Variants in EIF3E observed in about 807,000 individuals in gnomAD.
The protein encoded by EIF3E is eIF-3 p48.
In EIF3E, 25 loss-of-function variants were observed where a neutral mutation model predicts 59.3. The ratio of observed to expected loss-of-function variants is 0.42; its 90% confidence interval spans 0.31 to 0.59. The LOEUF (loss-of-function observed/expected upper bound fraction) is 0.59. Ranked by LOEUF, EIF3E falls within the 20% of genes least tolerant of loss-of-function variation. The pLI is 0.15. For missense variants in EIF3E, 317 were observed against 534.3 expected (o/e 0.59, Z 4.01); for synonymous variants, 176 against 170.2 (o/e 1.03, Z -0.26).
At chr8:108,238,838 G>T (rs1299091451) in intron 3 of EIF3E, among the ~76,000 whole-genome samples, 1 of 152,182 alleles carries the variant, frequency 6.6e-6, no homozygotes, top group Non-Finnish European at 1.5e-5. Context: ...TTCCTCAAGT[G>T]AATTTACTGG....
At chr8:108,214,058 C>T (rs1305885209) in intron 10 of EIF3E, among the ~76,000 whole-genome samples, 3 of 152,196 alleles carry the variant, frequency 2.0e-5, no homozygotes, top group Admixed American at 6.5e-5. Flanking sequence ...AGGTTATGTA[C>T]ATTTCACAAT....
chr8:108,228,021 T>C, intron 7 of EIF3E: 1 of 311,618 alleles, frequency 3.2e-6, no homozygotes. Flanking sequence ...TCTATATGAT[T>C]TCTATGCTGC....
chr8:108,234,851 G>C (rs1586207002), intron 5 of EIF3E, 147 bp downstream of exon 5: 1 of 425,200 alleles, frequency 2.4e-6, no homozygotes, highest in South Asian at 1.1e-4. Flanking sequence ...TGAGTGGGAG[G>C]GTTTTCTTTA....
intron 3 of EIF3E, among the ~76,000 whole-genome samples, chr8:108,239,243 T>C (rs1387133068): frequency 1.3e-5 from 2 of 152,172 alleles, no homozygotes; most frequent in African/African-American, 4.8e-5. Context: ...GCAGTGGTAT[T>C]ATGACACTGA....
intron 12 of EIF3E, among the ~76,000 whole-genome samples, chr8:108,202,651 A>T (rs951968904): frequency 6.6e-6 from 1 of 152,068 alleles, no homozygotes; most frequent in African/African-American, 2.4e-5. Flanking sequence ...AACACTTGAA[A>T]GAGGGCTACA....
rs759178695 is a variant in EIF3E at position 108,248,594 on chromosome 8, C to T, written c.90+19G>A. ...CTCATCCGCCCCCACGCCTTCCTTG[C>T]GCCCAAAGACCCCCTCACCTCCTTT... On this transcript the variant is annotated intron_variant, in intron 1 of 12. Transcript: ENST00000220849. 1.2e-6 allele frequency: 2 copies of T among 1,612,876 alleles called. No homozygotes were observed.
rs1465615077 is a variant in EIF3E at position 108,219,131 on chromosome 8, A to G, written c.723-1671T>C. Among the ~76,000 whole-genome samples, 3 of 152,276 alleles carry G rather than the reference A, an allele frequency of 2.0e-5. No homozygotes were observed. In the South Asian group the frequency reaches 6.2e-4, roughly 32 times the overall value. On this transcript the variant is annotated intron_variant, in intron 7 of 12. Transcript: ENST00000220849. ...CGTTTATGAGACTCATCATTAATTT[A>G]TCTAAAATCAATTTATACATAAATA...
chr8:108,238,038 A>G (rs902716666), intron 3 of EIF3E, among the ~76,000 whole-genome samples: 3 of 152,206 alleles, frequency 2.0e-5, no homozygotes, highest in Admixed American at 6.5e-5. Flanking sequence ...GAACACATGT[A>G]CATTCATCTT....
chr8:108,231,965 T>G (rs1289876625), intron 5 of EIF3E: 3 of 152,014 alleles, frequency 2.0e-5, no homozygotes, highest in Non-Finnish European at 4.4e-5. Context: ...ACAATAGCTC[T>G]TTCATAGCTT....
At chr8:108,236,261 C>T (rs1815727670) in intron 3 of EIF3E, 58 bp from the exon 4 acceptor site, 2 of 1,367,832 alleles carry the variant, frequency 1.5e-6, no homozygotes, top group South Asian at 1.3e-5. Context: ...ACAAAATAAG[C>T]ATATCCAACT....
chr8:108,248,309 G>GA (rs113892776), intron 1 of EIF3E, among the ~76,000 whole-genome samples: 5,773 of 152,166 alleles, frequency 0.038, 330 homozygotes, highest in African/African-American at 0.12. Flanking sequence ...GTTCTCTAGC[G>GA]AAACCAGCGA....
intron 10 of EIF3E, among the ~76,000 whole-genome samples, chr8:108,208,593 T>A (rs368387689): frequency 6.6e-6 from 1 of 151,886 alleles, no homozygotes; most frequent in South Asian, 2.1e-4. Context: ...AAACTGTTTG[T>A]CTCCATACAT....
In EIF3E at chr8:108,217,419, C is replaced by T. The variant is rs1451505628; in HGVS notation, c.764G>A (p.Arg255His). 4 of 1,604,086 alleles carry T rather than the reference C, an allele frequency of 2.5e-6. No homozygotes were observed. The highest frequency in any genetic ancestry group is 2.6e-6 in the Non-Finnish European group (3 of 1,175,734). ...TGTTATGACTGCTGTAGTCAAATAG[C>T]GAAGAATGTGTGGACACATTGTCTG... is the stretch of plus-strand genomic sequence containing the variant. Reference protein sequence around the residue: ...AIQTMCPHILRYLTTAVITNK... With the variant: ...AIQTMCPHILHYLTTAVITNK... The change falls in exon 8 of 13, where the codon CGC becomes CAC. Residue 255 changes from arginine to histidine, a missense_variant. Physicochemically the swap from Arg to His is conservative, Grantham distance 29 (BLOSUM62 0). Coordinates refer to ENST00000220849, the MANE Select transcript of EIF3E (RefSeq NM_001568.3).
At chr8:108,239,033 ATCT>A (rs1336023325) in intron 3 of EIF3E, among the ~76,000 whole-genome samples, 8 of 152,200 alleles carry the variant, frequency 5.3e-5, no homozygotes, top group Non-Finnish European at 1.0e-4. Context: ...GAATAAAATA[ATCT>A]TATCAGCTCA....
At chr8:108,204,325 T>C (rs1434426519) in intron 10 of EIF3E, among the ~76,000 whole-genome samples, 1 of 151,998 alleles carries the variant, frequency 6.6e-6, no homozygotes, top group Non-Finnish European at 1.5e-5. Flanking sequence ...AATGAGTGGA[T>C]AAAGTAAATC....
chr8:108,246,698 C>G (rs1033025244), intron 1 of EIF3E, among the ~76,000 whole-genome samples: 1 of 152,148 alleles, frequency 6.6e-6, no homozygotes, highest in African/African-American at 2.4e-5. Context: ...TCTGCTACCC[C>G]TGAAACAGCA....
chr8:108,213,627 T>C (rs952721161), intron 10 of EIF3E, among the ~76,000 whole-genome samples: 2 of 152,220 alleles, frequency 1.3e-5, no homozygotes, highest in Admixed American at 6.5e-5. Context: ...ATTCAGTTAC[T>C]ACTATCCACC....
chr8:108,223,738 A>G (rs1242913515), intron 7 of EIF3E, among the ~76,000 whole-genome samples: 2 of 146,596 alleles, frequency 1.4e-5, no homozygotes, highest in Admixed American at 1.3e-4. Context: ...CTTATCTTAT[A>G]TATTATGTTA....
At chr8:108,231,440 T>C (rs1337746673) in intron 5 of EIF3E, among the ~76,000 whole-genome samples, 2 of 152,052 alleles carry the variant, frequency 1.3e-5, no homozygotes, top group African/African-American at 2.4e-5. Flanking sequence ...CCTCTAAAAA[T>C]TATCATTACT....
Sources: allele counts gnomAD v4.1 joint callset (sites outside exome capture counted in the v4.1 genomes callset), GRCh38; gene constraint gnomAD v4.1.1; transcripts MANE v1.5; gene names NCBI Gene and HGNC (gene_info 2026-07-23, HGNC 2026-07-21).